Variants in FLT4 observed in about 807,000 individuals in gnomAD.
FLT4 encodes fms related receptor tyrosine kinase 4.
FLT4 carries 30 observed loss-of-function variants against 163.2 expected under a neutral mutation model. The ratio of observed to expected loss-of-function variants is 0.18; its 90% CI spans 0.14 to 0.25. The LOEUF (loss-of-function observed/expected upper bound fraction) is 0.25, where lower values mean the gene tolerates loss of function less well. Ranked by LOEUF, FLT4 falls within the 10% of genes least tolerant of loss-of-function variation. The pLI is 1.00. For synonymous variants in FLT4, 884 were observed against 789.5 expected (o/e 1.12, Z -2.01); for missense variants, 1,510 against 1,863.8 (o/e 0.81, Z 3.50).
chr5:180,632,408 C>T (rs1009235084), intron 1 of FLT4, among the ~76,000 whole-genome samples: 13 of 152,326 alleles, frequency 8.5e-5, no homozygotes, highest in Admixed American at 6.5e-4. Flanking sequence ...CAGCCTCCTC[C>T]GGGCTCTCCC....
At chr5:180,645,060 G>T (rs1253653804) in intron 1 of FLT4, among the ~76,000 whole-genome samples, 2 of 152,226 alleles carry the variant, frequency 1.3e-5, no homozygotes, top group African/African-American at 4.8e-5. Context: ...CGGGGCTAGG[G>T]ATGGCCTGGG....
At position 180,649,574 on chromosome 5, in the gene FLT4, G is replaced by A. The variant is rs1383817968; in HGVS notation, c.-29C>T. On this transcript the variant is annotated 5_prime_UTR_variant, in exon 1 of 30. Transcript: ENST00000261937. ...CGGCCGCTGCGCGTGGGTCCGACCCGAGCGGCCGCGGCTCGGGGCTGAAAG... is the reference window on the plus strand; with the variant it reads ...CGGCCGCTGCGCGTGGGTCCGACCCAAGCGGCCGCGGCTCGGGGCTGAAAG... 12 of 1,362,990 alleles carry A rather than the reference G, an allele frequency of 8.8e-6. No individual in the cohort carries two copies. In the East Asian group the frequency reaches 2.4e-4, roughly 27 times the overall value. 84.4% of individuals were successfully genotyped at this position (1,362,990 alleles called of 1,614,324 possible). A position where few individuals can be genotyped will look rare whatever the true frequency, so the allele number is the denominator to read the frequency against.
rs1402293398 is a variant in FLT4 at position 180,610,037 on chromosome 5, A to T, written c.3687-12T>A. ...CCCAGTTGTAATACCTGTGGGGAGA[A>T]ATCAGAAGGTGCTGAGGAACGCGCT... On this transcript the variant is annotated splice_polypyrimidine_tract_variant and intron_variant, in intron 27 of 29. Coordinates refer to ENST00000261937, the MANE Select transcript of FLT4 (RefSeq NM_182925.5). 6.2e-7 allele frequency: 1 copy of T among 1,614,004 alleles called. No homozygotes were observed. The highest frequency in any genetic ancestry group is 8.5e-7 in the Non-Finnish European group (1 of 1,179,902).
chr5:180,616,627 C>T lies in FLT4; in HGVS notation c.3097-138G>A, dbSNP rs2127802728. 1.9e-5 allele frequency: 18 copies of T among 955,422 alleles called. No individual in the cohort carries two copies. The South Asian group carries it at 2.7e-4, about 14-fold the overall frequency. The allele number at this position is 955,422 out of a possible 1,614,324, so 59.2% of individuals were successfully genotyped here. On this transcript the variant is annotated intron_variant, in intron 22 of 29. Coordinates refer to ENST00000261937, the MANE Select transcript of FLT4 (RefSeq NM_182925.5). Reference sequence around the variant, plus strand: ...AACTGTGCTCCTTTGGGGAAGGATTCCCATCCATCTCCAGGACTCATCATG... The same window carrying T: ...AACTGTGCTCCTTTGGGGAAGGATTTCCATCCATCTCCAGGACTCATCATG...
chr5:180,638,745 C>T (rs140712731), intron 1 of FLT4, among the ~76,000 whole-genome samples: 6 of 152,326 alleles, frequency 3.9e-5, no homozygotes, highest in South Asian at 4.1e-4. Flanking sequence ...AGCTTAGACA[C>T]GGCCTCCTCA....
rs374885874 is a variant in FLT4 at position 180,614,177 on chromosome 5, G to A, written c.3222C>T (p.Ala1074=). The A allele has an allele frequency of 4.2e-6, 6 of 1,436,104 alleles. No homozygotes were observed. Among genetic ancestry groups the A allele is most frequent in the Non-Finnish European group, 5.6e-6 (6 of 1,075,734 alleles). 89.0% of individuals were successfully genotyped at this position (1,436,104 alleles called of 1,614,324 possible). A position where few individuals can be genotyped will look rare whatever the true frequency, so the allele number is the denominator to read the frequency against. Residue 1074 remains alanine (A), a splice_region_variant and synonymous_variant, in exon 24 of 30, where the codon GCC becomes GCT. Coordinates refer to ENST00000261937, the MANE Select transcript of FLT4 (RefSeq NM_182925.5). ...GGGCCATCCACTTCAGGGGCAGCCGGGCCTGGGGAGACAGAGGGAAGCTTG... is the reference window on the plus strand; with the variant it reads ...GGGCCATCCACTTCAGGGGCAGCCGAGCCTGGGGAGACAGAGGGAAGCTTG... The part of the protein sequence containing the change: ...KDPDYVRKGS[A]RLPLKWMAPE...
At chr5:180,612,218 C>T (rs1253080626) in intron 26 of FLT4, among the ~76,000 whole-genome samples, 1 of 152,180 alleles carries the variant, frequency 6.6e-6, no homozygotes, top group Admixed American at 6.5e-5. Flanking sequence ...GATGGGGCTG[C>T]CTCACAGGCC....
intron 26 of FLT4, among the ~76,000 whole-genome samples, chr5:180,612,225 G>T (rs1401458891): frequency 6.6e-6 from 1 of 152,226 alleles, no homozygotes; most frequent in Admixed American, 6.5e-5. Flanking sequence ...CTGCCTCACA[G>T]GCCGGGGGGG....
Position 180,630,468 on chromosome 5 carries a change from T to C in FLT4, c.400+87A>G. The C allele has an allele frequency of 6.3e-7, 1 of 1,592,088 alleles. No homozygotes were observed. Among genetic ancestry groups the C allele is most frequent in the South Asian group, 1.1e-5 (1 of 89,958 alleles). ...CAGGTAGGGCCCCGTTCTCTCCTCC[T>C]GCCAGCCCAGGGTCCACAGGCTGGG... On this transcript the variant is annotated intron_variant, in intron 3 of 29. Transcript: ENST00000261937. The surrounding 1 kb of genome is among the most constrained non-coding windows in gnomAD (Gnocchi z 6.3).
At chr5:180,627,820 G>A (rs1014267730) in intron 8 of FLT4, among the ~76,000 whole-genome samples, 13 of 152,188 alleles carry the variant, frequency 8.5e-5, no homozygotes, top group South Asian at 4.1e-4. Context: ...AGCTGTACCC[G>A]TGAGTGAGGC....
rs1409175615 is a variant in FLT4 at position 180,620,434 on chromosome 5, A to G, written c.2407-126T>C. On this transcript the variant is annotated intron_variant, in intron 16 of 29. Transcript: ENST00000261937. The surrounding 1 kb of genome is among the most constrained non-coding windows in gnomAD (Gnocchi z 4.4). ...GGGTTCTCAGTCAAGGAGGGGACAG[A>G]AAAAAAGACAGACAACCTCTGCGGG... 8 of 1,346,416 alleles carry G rather than the reference A, an allele frequency of 5.9e-6. No individual in the cohort carries two copies. The highest frequency in any genetic ancestry group is 7.4e-6 in the Non-Finnish European group (7 of 948,260). 83.4% of individuals were successfully genotyped at this position (1,346,416 alleles called of 1,614,324 possible).
chr5:180,609,837 C>T (rs748651988), intron 28 of FLT4, 68 bp downstream of exon 28: 13 of 1,589,050 alleles, frequency 8.2e-6, no homozygotes, highest in East Asian at 4.5e-5. Context: ...GAATTCCTGA[C>T]GCTGCCTCCC....
Position 180,625,885 on chromosome 5 carries a change from A to G in FLT4, c.1405T>C (p.Phe469Leu). ...TGTACTCACAGACTACGCTGGGCAA[A>G]CATCTTGCAGGGTGTCCAGGGCCGC... The part of the protein sequence containing the change: ...HWRPWTPCKM[F>L]AQRSLRRRQQ... The change falls in exon 10 of 30, where the codon TTT becomes CTT. Residue 469 changes from phenylalanine to leucine, a missense_variant. Physicochemically the swap from Phe to Leu is conservative, Grantham distance 22. This residue lies in a region of FLT4 where 878 missense variants were observed against 1,016.7 expected (regional missense o/e 0.86). Coordinates refer to ENST00000261937, the MANE Select transcript of FLT4 (RefSeq NM_182925.5). 1 of 1,611,828 alleles carries G rather than the reference A, an allele frequency of 6.2e-7. No homozygotes were observed. The highest frequency in any genetic ancestry group is 8.5e-7 in the Non-Finnish European group (1 of 1,179,922).
At position 180,636,324 on chromosome 5, in the gene FLT4, TGCCTTATGTGAA is replaced by T. The variant is rs1159222700; in HGVS notation, c.59-4558_59-4547del. 6.6e-6 allele frequency among the ~76,000 whole-genome samples: 1 copy of T among 152,150 alleles called. No individual in the cohort carries two copies. The highest frequency in any genetic ancestry group is 1.5e-5 in the Non-Finnish European group (1 of 68,016). ...ACTGTCCACTCCGAATGTCCCTTCCTGCCTTATGTGAAGCCTGGCTTTCTGGCCACGGCACTG... is the reference window on the plus strand; with the variant it reads ...ACTGTCCACTCCGAATGTCCCTTCCTGCCTGGCTTTCTGGCCACGGCACTG... On this transcript the variant is annotated intron_variant, in intron 1 of 29. Transcript: ENST00000261937. This position sits in a 1 kb window ranked among gnomAD's most constrained non-coding sequence, Gnocchi z 4.3.
chr5:180,633,160 C>T (rs1764311395), intron 1 of FLT4, among the ~76,000 whole-genome samples: 1 of 152,186 alleles, frequency 6.6e-6, no homozygotes. Flanking sequence ...TGCTGCACAC[C>T]AAGATCTCAT....
chr5:180,641,650 G>A (rs1765110732), intron 1 of FLT4, among the ~76,000 whole-genome samples: 1 of 152,202 alleles, frequency 6.6e-6, no homozygotes, highest in South Asian at 2.1e-4. Context: ...GGAGGCAGCA[G>A]GAGCGTCCTG....
intron 29 of FLT4, among the ~76,000 whole-genome samples, chr5:180,605,624 A>C (rs1162239606): frequency 2.0e-5 from 3 of 152,160 alleles, no homozygotes; most frequent in African/African-American, 7.2e-5. Context: ...CTTCACTTAA[A>C]AGTGCCACCT....
chr5:180,624,648 C>T (rs1581660975), intron 10 of FLT4, among the ~76,000 whole-genome samples: 1 of 152,260 alleles, frequency 6.6e-6, no homozygotes, highest in African/African-American at 2.4e-5. Context: ...CTCTGTCCCG[C>T]TTCTCTGTGC....
chr5:180,638,598 C>T, intron 1 of FLT4, among the ~76,000 whole-genome samples: 1 of 152,242 alleles, frequency 6.6e-6, no homozygotes, highest in East Asian at 1.9e-4. Context: ...CCTGCACTCC[C>T]AAGAAAATCC....
Sources: gnomAD v4.1 joint callset for allele counts (sites outside exome capture counted in the v4.1 genomes callset) on GRCh38, gnomAD v4.1.1 for gene constraint, gnomAD v4.1.1 regional missense constraint, Gnocchi (gnomAD v3.1) non-coding constraint, MANE v1.5 for transcripts, NCBI Gene and HGNC (gene_info 2026-07-23, HGNC 2026-07-21) for gene names.